Variants in STXBP6 observed in about 807,000 individuals in gnomAD.
STXBP6 encodes syntaxin-binding protein 6.
STXBP6 carries 21 observed loss-of-function variants against 26.9 expected under a neutral mutation model. That is an observed-to-expected ratio of 0.78 (90% CI 0.55 to 1.12). The LOEUF is 1.12. Among genes scored for constraint, STXBP6 ranks in the 50% most tolerant of loss-of-function variants. The probability of loss-of-function intolerance (pLI) is 0.00; values close to 1 mark genes in which losing one functional copy is unlikely to be tolerated. For synonymous variants in STXBP6, 97 were observed against 92.6 expected (o/e 1.05, Z -0.27); for missense variants, 232 against 257.9 (o/e 0.90, Z 0.69).
chr14:24,979,099 G>T (rs2074121057), intron 1 of STXBP6, among the ~76,000 whole-genome samples: 1 of 152,190 alleles, frequency 6.6e-6, no homozygotes, highest in Admixed American at 6.5e-5. Context: ...TGAGAAGAAA[G>T]AATCTCCTCT....
chr14:24,907,802 A>T (rs1359191537), intron 2 of STXBP6, among the ~76,000 whole-genome samples: 1 of 151,108 alleles, frequency 6.6e-6, no homozygotes, highest in African/African-American at 2.4e-5. Context: ...TTTTTTTTTT[A>T]ACCAAACCCT....
intron 4 of STXBP6, chr14:24,819,465 G>C (rs2068078041): frequency 1.7e-6 from 1 of 581,730 alleles, no homozygotes; most frequent in Non-Finnish European, 3.1e-6. Context: ...CATTCTGCCA[G>C]TATTCTATCT....
intron 2 of STXBP6, among the ~76,000 whole-genome samples, chr14:24,945,284 C>T (rs192669397): frequency 6.6e-5 from 10 of 151,460 alleles, no homozygotes; most frequent in African/African-American, 2.2e-4. Context: ...AGCCTTTGGA[C>T]CACACCAAAA....
At chr14:24,924,102 T>C (rs901515980) in intron 2 of STXBP6, among the ~76,000 whole-genome samples, 3 of 152,172 alleles carry the variant, frequency 2.0e-5, no homozygotes, top group African/African-American at 7.2e-5. Flanking sequence ...TGGTGTGAGC[T>C]AGAGGTCCAC....
chr14:24,877,249 A>G (rs112018754), intron 2 of STXBP6, among the ~76,000 whole-genome samples: 34 of 152,342 alleles, frequency 2.2e-4, no homozygotes, highest in East Asian at 3.9e-4. Context: ...AAAGACCTCA[A>G]AACCATTTTA....
At position 24,918,452 on chromosome 14, in the gene STXBP6, CCACACACACACACACACACA is replaced by C. The variant is rs55810129; in HGVS notation, c.154+56193_154+56212del. Among the ~76,000 whole-genome samples, 23 of 133,478 alleles carry C rather than the reference CCACACACACACACACACACA, an allele frequency of 1.7e-4. 1 individual carries two copies. In the Middle Eastern group the frequency reaches 0.012, roughly 67 times the overall value. 87.6% of individuals were successfully genotyped at this position (133,478 alleles called of 152,430 possible). ...TTATTTCTTAAAAACCACACCCCCA[CCACACACACACACACACACA>C]CACACACACACACACACACACACAC... On this transcript the variant is annotated intron_variant, in intron 2 of 5. Transcript: ENST00000323944.
intron 1 of STXBP6, among the ~76,000 whole-genome samples, chr14:24,982,364 A>G (rs1051061946): frequency 3.3e-5 from 5 of 152,218 alleles, no homozygotes; most frequent in Non-Finnish European, 7.3e-5. Flanking sequence ...CTTTGTAGGA[A>G]GAAAATGGTA....
chr14:25,021,200 T>C (rs540966728), intron 1 of STXBP6, among the ~76,000 whole-genome samples: 145 of 152,304 alleles, frequency 9.5e-4, no homozygotes, highest in African/African-American at 3.0e-3. Flanking sequence ...CTTCAGCTTC[T>C]TCCCTCCTGT....
At chr14:24,863,989 T>C (rs1415879945) in intron 2 of STXBP6, among the ~76,000 whole-genome samples, 4 of 152,188 alleles carry the variant, frequency 2.6e-5, no homozygotes, top group Non-Finnish European at 5.9e-5. Context: ...CCCAGAGTTG[T>C]GACAACGGAT....
At chr14:24,813,005 A>G (rs2067867142) in intron 5 of STXBP6, among the ~76,000 whole-genome samples, 1 of 152,150 alleles carries the variant, frequency 6.6e-6, no homozygotes, top group Non-Finnish European at 1.5e-5. Flanking sequence ...TGGTGTTCCT[A>G]CATCACACTG....
chr14:24,876,723 G>A (rs1180542292), intron 2 of STXBP6, among the ~76,000 whole-genome samples: 1 of 152,184 alleles, frequency 6.6e-6, no homozygotes, highest in Non-Finnish European at 1.5e-5. Flanking sequence ...TGTAAGTCAA[G>A]AGCCTAAAAT....
chr14:25,008,792 A>G (rs1425943186), intron 1 of STXBP6, among the ~76,000 whole-genome samples: 1 of 152,224 alleles, frequency 6.6e-6, no homozygotes, highest in Admixed American at 6.5e-5. Context: ...CCTATAGAAT[A>G]TTTTACACAT....
At chr14:24,847,756 G>A (rs542325239) in intron 4 of STXBP6, among the ~76,000 whole-genome samples, 24 of 152,264 alleles carry the variant, frequency 1.6e-4, no homozygotes, top group Non-Finnish European at 2.9e-4. Flanking sequence ...GTAAAGTTTA[G>A]AAAACATGTT....
chr14:24,837,553 T>C (rs1250498776), intron 4 of STXBP6, among the ~76,000 whole-genome samples: 7 of 152,164 alleles, frequency 4.6e-5, no homozygotes, highest in Admixed American at 3.9e-4. Context: ...CAGGAGGAAC[T>C]GTGTTAGCAG....
intron 2 of STXBP6, among the ~76,000 whole-genome samples, chr14:24,929,397 A>C (rs1034881590): frequency 2.6e-5 from 4 of 152,252 alleles, no homozygotes; most frequent in South Asian, 2.1e-4. Context: ...CCACATTTCT[A>C]AATGTCTCCA....
chr14:24,920,797 G>A (rs566399756), intron 2 of STXBP6, among the ~76,000 whole-genome samples: 99 of 152,046 alleles, frequency 6.5e-4, no homozygotes, highest in Middle Eastern at 3.4e-3. Context: ...AGTATGAAGG[G>A]TTTGCCAAGC....
At chr14:24,861,577 T>C (rs1244472496) in intron 2 of STXBP6, among the ~76,000 whole-genome samples, 1 of 152,178 alleles carries the variant, frequency 6.6e-6, no homozygotes, top group Admixed American at 6.5e-5. Context: ...GAAACAAATA[T>C]CAGGTCTGAG....
chr14:24,969,338 C>T (rs1025099567), intron 2 of STXBP6, among the ~76,000 whole-genome samples: 1 of 152,148 alleles, frequency 6.6e-6, no homozygotes, highest in African/African-American at 2.4e-5. Context: ...AGAGTAGCAT[C>T]ATATATTACA....
intron 5 of STXBP6, among the ~76,000 whole-genome samples, chr14:24,813,034 CCAATGGA>C (rs1028448573): frequency 1.3e-5 from 2 of 152,044 alleles, no homozygotes; most frequent in African/African-American, 4.8e-5. Flanking sequence ...AATGAAAAAA[CCAATGGA>C]CAGGCAGAAT....
Sources: allele counts gnomAD v4.1 joint callset (sites outside exome capture counted in the v4.1 genomes callset), GRCh38; gene constraint gnomAD v4.1.1; transcripts MANE v1.5; gene names NCBI Gene and HGNC (gene_info 2026-07-23, HGNC 2026-07-21).